Variants in GSK3B observed in about 807,000 individuals in gnomAD.
The protein encoded by GSK3B is glycogen synthase kinase 3 beta.
A neutral mutation model predicts 56.4 loss-of-function variants in GSK3B; 15 were observed. That is an observed-to-expected ratio of 0.27 (90% CI 0.18 to 0.41). GSK3B has a LOEUF of 0.41. GSK3B is among the 10% of genes least tolerant of loss of function. The pLI is 1.00. For synonymous variants in GSK3B, 181 were observed against 188.9 expected (o/e 0.96, Z 0.34); for missense variants, 300 against 513.4 (o/e 0.58, Z 4.02).
At chr3:120,020,951 C>T (rs1466447484) in intron 1 of GSK3B, among the ~76,000 whole-genome samples, 1 of 152,144 alleles carries the variant, frequency 6.6e-6, no homozygotes, top group Non-Finnish European at 1.5e-5. Flanking sequence ...GAAGACCAAA[C>T]CAACCACAAC....
chr3:119,872,415 A>G (rs1249703113), intron 8 of GSK3B, among the ~76,000 whole-genome samples: 2 of 152,182 alleles, frequency 1.3e-5, no homozygotes, highest in Admixed American at 6.6e-5. Flanking sequence ...CTGGCACATA[A>G]GATCACCCTT....
intron 1 of GSK3B, among the ~76,000 whole-genome samples, chr3:120,005,324 G>A (rs2057717527): frequency 1.3e-5 from 2 of 152,198 alleles, no homozygotes; most frequent in African/African-American, 4.8e-5. Flanking sequence ...AAGTGATGGG[G>A]AGAATGGAAT....
chr3:119,995,242 G>A (rs189897937), intron 2 of GSK3B, among the ~76,000 whole-genome samples: 107 of 151,990 alleles, frequency 7.0e-4, no homozygotes, highest in Non-Finnish European at 1.3e-3. Context: ...GCTGAGGTAG[G>A]AGAATCGCTA....
rs1356418986 is a variant in GSK3B, at chr3:119,952,669, A to G, written c.283-5318T>C. Among the ~76,000 whole-genome samples, 5 of 151,910 alleles carry G rather than the reference A, an allele frequency of 3.3e-5. No homozygotes were observed. The East Asian group carries it at 9.7e-4, about 29-fold the overall frequency. On this transcript the variant is annotated intron_variant, in intron 2 of 10. Transcript: ENST00000264235. ...ATCACATACATGGGAAAAACAATAC[A>G]ATTAATAGCCGACTAATCATCAGGA...
At chr3:119,975,212 C>T (rs566101657) in intron 2 of GSK3B, among the ~76,000 whole-genome samples, 4 of 152,072 alleles carry the variant, frequency 2.6e-5, no homozygotes, top group Admixed American at 2.0e-4. Flanking sequence ...TTTGGAAGGC[C>T]GAGGCAGGTG....
chr3:119,886,644 TA>T (rs2056439543), intron 7 of GSK3B, among the ~76,000 whole-genome samples: 1 of 152,044 alleles, frequency 6.6e-6, no homozygotes, highest in African/African-American at 2.4e-5. Context: ...AACAGTGGAC[TA>T]GATAAAGAAA....
chr3:120,094,233 G>A lies in GSK3B; in HGVS notation c.-799C>T. 1 of 221,984 alleles carries A rather than the reference G, an allele frequency of 4.5e-6. No homozygotes were observed. The highest frequency in any genetic ancestry group is 9.1e-6 in the Non-Finnish European group (1 of 110,276). 13.8% of individuals were successfully genotyped at this position (221,984 alleles called of 1,614,324 possible). ...TCCGTCCCTCGGGGCCCCCTCCCCC[G>A]TCCGCGGCAACAGCTCGGCCGCCCT... On this transcript the variant is annotated 5_prime_UTR_variant, in exon 1 of 11. It adds an upstream start codon to the 5' untranslated region. Transcript: ENST00000264235.
intron 1 of GSK3B, among the ~76,000 whole-genome samples, chr3:120,081,343 T>TA (rs1047397611): frequency 6.6e-6 from 1 of 151,444 alleles, no homozygotes; most frequent in Non-Finnish European, 1.5e-5. Flanking sequence ...GATCAGGAGA[T>TA]AGAGACCATC....
chr3:119,892,100 GTTGT>G (rs369823933), intron 7 of GSK3B, among the ~76,000 whole-genome samples: 21 of 152,244 alleles, frequency 1.4e-4, no homozygotes, highest in African/African-American at 4.8e-4. Context: ...CTTCCACAAC[GTTGT>G]TTATTTTATA....
chr3:119,832,738 C>T (rs1190610586), intron 10 of GSK3B, among the ~76,000 whole-genome samples: 1 of 152,204 alleles, frequency 6.6e-6, no homozygotes, highest in Admixed American at 6.5e-5. Flanking sequence ...CAAATTGGCA[C>T]ATGTATTAAA....
At chr3:120,091,425 G>A (rs930872269) in intron 1 of GSK3B, among the ~76,000 whole-genome samples, 3 of 152,072 alleles carry the variant, frequency 2.0e-5, no homozygotes, top group Admixed American at 6.6e-5. Context: ...TATTTTACAA[G>A]AGTTACTCCA....
intron 1 of GSK3B, among the ~76,000 whole-genome samples, chr3:120,065,765 C>G (rs913567004): frequency 6.6e-6 from 1 of 152,166 alleles, no homozygotes; most frequent in Admixed American, 6.5e-5. Flanking sequence ...GAATATTATT[C>G]AGCCATAAAC....
intron 2 of GSK3B, among the ~76,000 whole-genome samples, 177 bp downstream of exon 2, chr3:120,001,869 G>C (rs2057680272): frequency 6.6e-6 from 1 of 152,046 alleles, no homozygotes; most frequent in Non-Finnish European, 1.5e-5. Flanking sequence ...GCAATCTTCA[G>C]TGAATGTTAT....
At chr3:119,876,252 T>C (rs2056312227) in intron 8 of GSK3B, among the ~76,000 whole-genome samples, 161 bp downstream of exon 8, 1 of 152,104 alleles carries the variant, frequency 6.6e-6, no homozygotes, top group Non-Finnish European at 1.5e-5. Context: ...GATGAAACTA[T>C]ATAAAGTCAA....
chr3:119,832,965 G>T (rs1028183309), intron 10 of GSK3B: 1 of 982,608 alleles, frequency 1.0e-6, no homozygotes, highest in Non-Finnish European at 1.2e-6. Flanking sequence ...TTGTTTGTTT[G>T]TTTTTTTCAG....
In GSK3B at chr3:119,947,277, A is replaced by G. The variant is rs938523673; in HGVS notation, c.357T>C (p.Ser119=). Residue 119 remains serine, a synonymous_variant, in exon 3 of 11, where the codon AGT becomes AGC. Coordinates refer to ENST00000264235, the MANE Select transcript of GSK3B (RefSeq NM_001146156.2). ...IVRLRYFFYS[S]GEKKDEVYLN... is the part of the protein sequence containing the mutation. The stretch of plus-strand genomic sequence containing the variant: ...TTTGTGTCAAACCTACCTTCTCACC[A>G]CTGGAGTAGAAGAAATAACGCAATC... The G allele has an allele frequency of 1.3e-5, 21 of 1,564,618 alleles. No individual in the cohort carries two copies. Among genetic ancestry groups the G allele is most frequent in the Non-Finnish European group, 1.5e-5 (17 of 1,135,252 alleles).
intron 10 of GSK3B, among the ~76,000 whole-genome samples, chr3:119,835,285 G>GAC (rs1361205418): frequency 1.3e-5 from 2 of 152,166 alleles, no homozygotes; most frequent in African/African-American, 2.4e-5. Context: ...AAAGCAATTT[G>GAC]ACATTAAACT....
chr3:120,012,629 C>T (rs898652498), intron 1 of GSK3B, among the ~76,000 whole-genome samples: 31 of 152,262 alleles, frequency 2.0e-4, no homozygotes, highest in African/African-American at 6.5e-4. Flanking sequence ...AATGAAAAGA[C>T]GGTATACAAC....
chr3:119,852,694 T>C (rs4624596), intron 9 of GSK3B, among the ~76,000 whole-genome samples: 36,844 of 152,094 alleles, frequency 0.24, 4,921 homozygotes, highest in East Asian at 0.49. Context: ...CATTACCAAG[T>C]TTTTCAAATC....
Sources: allele counts gnomAD v4.1 joint callset (sites outside exome capture counted in the v4.1 genomes callset), GRCh38; gene constraint gnomAD v4.1.1; transcripts MANE v1.5; gene names NCBI Gene and HGNC (gene_info 2026-07-23, HGNC 2026-07-21).